The following CDYL variants were observed in gnomAD, a reference collection of about 807,000 sequenced individuals.
The protein encoded by CDYL is chromodomain Y like, also known as chromodomain Y-like protein.
Under a neutral mutation model 47.3 loss-of-function variants are expected in CDYL, and 8 were observed. That is an observed-to-expected ratio of 0.17 (90% CI 0.10 to 0.31). CDYL has a LOEUF of 0.31. Ranked by LOEUF, CDYL falls within the 10% of genes least tolerant of loss-of-function variation. The pLI, the probability that CDYL is intolerant of heterozygous loss-of-function variation, is 1.00. For missense variants in CDYL, 471 were observed against 701.4 expected, an observed-to-expected ratio of 0.67 and a Z score of 3.71; for synonymous variants, 266 against 265.0, an observed-to-expected ratio of 1.00 and a Z score of -0.04.
At chr6:4,866,623 A>G (rs1413138035) in intron 1 of CDYL, among the ~76,000 whole-genome samples, 3 of 152,174 alleles carry the variant, frequency 2.0e-5, no homozygotes, top group Non-Finnish European at 4.4e-5. Context: ...GATGAGGGAA[A>G]AAATGGTTGT....
intron 1 of CDYL, among the ~76,000 whole-genome samples, chr6:4,789,268 G>A (rs548748316): frequency 6.6e-6 from 1 of 152,268 alleles, no homozygotes; most frequent in African/African-American, 2.4e-5. Flanking sequence ...TAGATACGGG[G>A]TTTCGCCATG....
At chr6:4,864,257 A>G (rs1355591526) in intron 1 of CDYL, among the ~76,000 whole-genome samples, 2 of 152,222 alleles carry the variant, frequency 1.3e-5, no homozygotes, top group African/African-American at 4.8e-5. Flanking sequence ...TATTCTTCAA[A>G]AAGAAAGAAA....
intron 1 of CDYL, among the ~76,000 whole-genome samples, chr6:4,778,069 G>GA (rs111961165): frequency 0.083 from 12,679 of 152,040 alleles, 1,484 homozygotes; most frequent in African/African-American, 0.26. Flanking sequence ...TGTAAAAGAA[G>GA]AAAAATCTCC....
At chr6:4,925,773 C>T (rs1440495759) in intron 2 of CDYL, among the ~76,000 whole-genome samples, 2 of 152,084 alleles carry the variant, frequency 1.3e-5, no homozygotes, top group Non-Finnish European at 2.9e-5. Context: ...ACAGAGCCAG[C>T]TTCTGAGCCT....
chr6:4,895,456 CATGTATACATATATACGTATAT>C (rs1762244733), intron 2 of CDYL, among the ~76,000 whole-genome samples: 7 of 2,632 alleles, frequency 2.7e-3, no homozygotes, highest in African/African-American at 2.7e-3. Flanking sequence ...TGCATATATA[CATGTATACATATATACGTATAT>C]ATGTATATAT....
intron 4 of CDYL, among the ~76,000 whole-genome samples, chr6:4,942,608 C>T (rs1758392883): frequency 6.6e-6 from 1 of 152,180 alleles, no homozygotes; most frequent in African/African-American, 2.4e-5. Flanking sequence ...TGTGTGAAAT[C>T]ATAACAAGAA....
chr6:4,724,399 G>A (rs1220556231), intron 2 of CDYL: 4 of 152,294 alleles, frequency 2.6e-5, no homozygotes, highest in East Asian at 1.9e-4. Flanking sequence ...CGTGTAACAT[G>A]TCAGGGCTTA....
intron 3 of CDYL, among the ~76,000 whole-genome samples, chr6:4,745,069 A>G (rs1757864958): frequency 6.6e-6 from 1 of 152,128 alleles, no homozygotes; most frequent in Non-Finnish European, 1.5e-5. Context: ...GGCTCAAGCA[A>G]TCCTCCTGCC....
intron 6 of CDYL, 25 bp downstream of exon 6, chr6:4,952,434 C>A: frequency 1.3e-6 from 2 of 1,580,408 alleles, no homozygotes; most frequent in Non-Finnish European, 1.7e-6. Flanking sequence ...TTCTGTTACA[C>A]GTTACTTTTT....
chr6:4,883,806 A>G (rs986888696), intron 1 of CDYL, among the ~76,000 whole-genome samples: 7 of 152,198 alleles, frequency 4.6e-5, no homozygotes, highest in Admixed American at 6.5e-5. Context: ...GGCAGGTATT[A>G]TCTCCCTTGT....
At chr6:4,780,483 G>T (rs538791226) in intron 1 of CDYL, among the ~76,000 whole-genome samples, 33 of 147,414 alleles carry the variant, frequency 2.2e-4, no homozygotes, top group South Asian at 1.5e-3. Flanking sequence ...GGGCCAGGCT[G>T]GTCTCAAACT....
chr6:4,807,692 C>G (rs190339144), intron 1 of CDYL, among the ~76,000 whole-genome samples: 11 of 145,676 alleles, frequency 7.6e-5, no homozygotes, highest in African/African-American at 2.8e-4. Context: ...CAGCCTCTAC[C>G]TCCTGGGCTC....
At chr6:4,925,403 TTTTTTC>T (rs1757837247) in intron 2 of CDYL, among the ~76,000 whole-genome samples, 2 of 88,186 alleles carry the variant, frequency 2.3e-5, no homozygotes, top group South Asian at 5.4e-4. Context: ...GGAGCTATTC[TTTTTTC>T]TTTTTTTTTT....
At chr6:4,804,109 G>T (rs1759303630) in intron 1 of CDYL, among the ~76,000 whole-genome samples, 1 of 151,936 alleles carries the variant, frequency 6.6e-6, no homozygotes, top group African/African-American at 2.4e-5. Flanking sequence ...TGGGCTGTCA[G>T]TTATTTACAG....
chr6:4,950,754 C>T (rs371618569), intron 5 of CDYL, among the ~76,000 whole-genome samples: 4 of 151,980 alleles, frequency 2.6e-5, no homozygotes, highest in Admixed American at 6.6e-5. Context: ...CAGTGAAACC[C>T]CGTCTCTACC....
intron 6 of CDYL, 60 bp from the exon 7 acceptor site, chr6:4,953,838 C>T: frequency 2.6e-6 from 4 of 1,521,948 alleles, no homozygotes; most frequent in Non-Finnish European, 3.6e-6. Context: ...TGTGGAGGCA[C>T]AGGGGACCCG....
At chr6:4,820,285 T>C (rs1460477514) in intron 1 of CDYL, among the ~76,000 whole-genome samples, 1 of 152,226 alleles carries the variant, frequency 6.6e-6, no homozygotes, top group Non-Finnish European at 1.5e-5. Flanking sequence ...GACTTGAAAG[T>C]GATCGTGAAA....
At chr6:4,779,162 C>T (rs753720624) in intron 1 of CDYL, among the ~76,000 whole-genome samples, 5 of 152,110 alleles carry the variant, frequency 3.3e-5, no homozygotes, top group Admixed American at 2.6e-4. Flanking sequence ...AGAAGTGATA[C>T]GCAATTGTAA....
chr6:4,769,827 C>T (rs1481753771), intron 3 of CDYL, among the ~76,000 whole-genome samples: 3 of 152,166 alleles, frequency 2.0e-5, no homozygotes, highest in Non-Finnish European at 2.9e-5. Flanking sequence ...GACGGAGTCT[C>T]GCTCTGTTGC....
Sources: gnomAD v4.1 joint callset for allele counts (sites outside exome capture counted in the v4.1 genomes callset) on GRCh38, gnomAD v4.1.1 for gene constraint, MANE v1.5 for transcripts, NCBI Gene and HGNC (gene_info 2026-07-23, HGNC 2026-07-21) for gene names.